The following METTL27 variants were observed in gnomAD, a reference collection of about 807,000 sequenced individuals.
METTL27 encodes methyltransferase like 27, also known as methyltransferase-like protein 27.
In METTL27, 29 loss-of-function variants were observed where a neutral mutation model predicts 24.5. The ratio of observed to expected loss-of-function variants is 1.18; its 90% CI spans 0.88 to 1.61. METTL27 has a LOEUF of 1.61. METTL27 is among the 40% of genes most tolerant of loss of function. The pLI, the probability that METTL27 is intolerant of heterozygous loss-of-function variation, is 0.00. For synonymous variants in METTL27, 138 were observed against 146.8 expected (o/e 0.94, Z 0.43); for missense variants, 341 against 324.3 (o/e 1.05, Z -0.40).
At chr7:73,842,469 G>A (rs1261508220) in intron 1 of METTL27, 21 bp downstream of exon 1, 4 of 310,870 alleles carry the variant, frequency 1.3e-5, no homozygotes, top group South Asian at 9.6e-5. Context: ...GGTCTCGAAG[G>A]AGGCCGGAGT....
At position 73,834,715 on chromosome 7, in the gene METTL27, G is replaced by C. The variant is rs781966040; in HGVS notation, c.*28C>G. 521 of 1,597,072 alleles carry C rather than the reference G, an allele frequency of 3.3e-4. No individual in the cohort carries two copies. Among genetic ancestry groups the C allele is most frequent in the Non-Finnish European group, 4.4e-4 (510 of 1,169,418 alleles). On this transcript the variant is annotated 3_prime_UTR_variant, in exon 6 of 6. Transcript: ENST00000297873. The stretch of plus-strand genomic sequence containing the variant: ...CCCAGCTAAGGCCACATGGAGTCAG[G>C]GGCCAGCTGGGGGCTGGGGGCTGGA...
chr7:73,839,937 A>G, intron 5 of METTL27, 94 bp downstream of exon 5: 2 of 1,195,334 alleles, frequency 1.7e-6, no homozygotes, highest in East Asian at 2.5e-5. Context: ...CCCCTCGCTT[A>G]GCCTGAGGGG....
At chr7:73,842,275 T>G in intron 1 of METTL27, 131 bp from the exon 2 acceptor site, 4 of 1,386,266 alleles carry the variant, frequency 2.9e-6, no homozygotes, top group East Asian at 2.5e-5. Flanking sequence ...CCGGCCCCTA[T>G]CCCAGATGGG....
chr7:73,838,408 A>G (rs1554635725), intron 5 of METTL27, among the ~76,000 whole-genome samples: 4 of 152,178 alleles, frequency 2.6e-5, no homozygotes, highest in African/African-American at 9.7e-5. Flanking sequence ...TGCCGGCTGA[A>G]TGGCCTTGTC....
rs192722486 is a variant in METTL27, at chr7:73,837,638, A to G, written c.478+2393T>C. On this transcript the variant is annotated intron_variant, in intron 5 of 5. Transcript: ENST00000297873. ...GAGTGCAATGGCATGCTCTTGGCTCACTTCAGCCTCCGCCTCCTGGGTTCA... is the reference window on the plus strand; with the variant it reads ...GAGTGCAATGGCATGCTCTTGGCTCGCTTCAGCCTCCGCCTCCTGGGTTCA... Among the ~76,000 whole-genome samples, 920 of 151,908 alleles carry G rather than the reference A, an allele frequency of 6.1e-3. 15 individuals are homozygous for G. Among genetic ancestry groups the G allele is most frequent in the African/African-American group, 0.021 (869 of 41,430 alleles).
intron 5 of METTL27, among the ~76,000 whole-genome samples, chr7:73,836,524 G>A (rs1554635299): frequency 6.8e-5 from 5 of 73,946 alleles, no homozygotes; most frequent in Admixed American, 1.2e-4. Flanking sequence ...CCATCCGGGA[G>A]GGAGGTGGGG....
At chr7:73,836,648 G>A (rs1410535073) in intron 5 of METTL27, among the ~76,000 whole-genome samples, 1 of 16,642 alleles carries the variant, frequency 6.0e-5, no homozygotes, top group South Asian at 1.9e-3. Flanking sequence ...GCCCCGTCCG[G>A]GAGGGAGGTG....
Position 73,841,345 on chromosome 7 carries a change from T to C in METTL27, c.124-147A>G, listed in dbSNP as rs1365345783. ...GCTAGCGTGAGGGGACGCCCAGGCA[T>C]GAGGTGCTTCCCATTGCTAAAGGGC... On this transcript the variant is annotated intron_variant, in intron 2 of 5. Coordinates refer to ENST00000297873, the MANE Select transcript of METTL27 (RefSeq NM_152559.3). 5.6e-6 allele frequency: 7 copies of C among 1,244,576 alleles called. No homozygotes were observed. In the East Asian group the frequency reaches 9.3e-5, roughly 17 times the overall value. 77.1% of individuals were successfully genotyped at this position (1,244,576 alleles called of 1,614,324 possible).
intron 5 of METTL27, among the ~76,000 whole-genome samples, chr7:73,835,440 C>T (rs1287673586): frequency 1.4e-5 from 2 of 144,004 alleles, no homozygotes; most frequent in Non-Finnish European, 1.5e-5. Flanking sequence ...GTCTCCAGCC[C>T]CTAACCGCAC....
At chr7:73,839,836 G>T in intron 5 of METTL27, 195 bp downstream of exon 5, 1 of 519,122 alleles carries the variant, frequency 1.9e-6, no homozygotes, top group Non-Finnish European at 3.3e-6. Flanking sequence ...GAGCCGAGCT[G>T]GCCACCTGTC....
At chr7:73,841,338 CCAGGCATGAGGTGCTTCCCATTG>C in intron 2 of METTL27, 140 bp from the exon 3 acceptor site, 2 of 1,298,130 alleles carry the variant, frequency 1.5e-6, no homozygotes, top group East Asian at 6.1e-5. Context: ...GAGGGGACGC[CCAGGCATGAGGTGCTTCCCATTG>C]CTAAAGGGCC....
chr7:73,840,569 C>T lies in METTL27; in HGVS notation c.253-20G>A, dbSNP rs1788325082. 5.1e-6 allele frequency: 8 copies of T among 1,566,008 alleles called. No individual in the cohort carries two copies. Among genetic ancestry groups the T allele is most frequent in the Non-Finnish European group, 6.9e-6 (8 of 1,157,962 alleles). ...CCGCAGCTGGGGTAGGGGTGGGAGA[C>T]TCAGTCATGGTTCACACCTGCCACT... On this transcript the variant is annotated intron_variant, in intron 3 of 5. Transcript: ENST00000297873.
rs1554636541 is a variant in METTL27, at chr7:73,842,021, G to C, written c.120C>G (p.Asp40Glu). The part of the protein sequence containing the change: ...HFYDRWAPDY[D>E]QDVATLLYRA... ...GCAAGGCCCCAAATGAGTTTACCTG[G>C]TCGTAGTCCGGAGCCCAGCGGTCAT... Residue 40 changes from aspartate (D) to glutamate (E), a missense_variant, in exon 2 of 6, where the codon GAC (aspartate) becomes GAG (glutamate). Coordinates refer to ENST00000297873, the MANE Select transcript of METTL27 (RefSeq NM_152559.3). 1.2e-6 allele frequency: 2 copies of C among 1,614,052 alleles called. No individual in the cohort carries two copies. Among genetic ancestry groups the C allele is most frequent in the African/African-American group, 2.7e-5 (2 of 74,934 alleles).
chr7:73,835,006 G>A lies in METTL27; in HGVS notation c.479-4C>T. On this transcript the variant is annotated splice_region_variant and splice_polypyrimidine_tract_variant and intron_variant, in intron 5 of 5. Coordinates refer to ENST00000297873, the MANE Select transcript of METTL27 (RefSeq NM_152559.3). Reference sequence around the variant, plus strand: ...GTGGTCAGACACACCAGCCCACCTGGGGGAGAGGGGTAGGTGAGGTGGGGG... The same window carrying A: ...GTGGTCAGACACACCAGCCCACCTGAGGGAGAGGGGTAGGTGAGGTGGGGG... The A allele has an allele frequency of 6.2e-7, 1 of 1,607,486 alleles. No individual in the cohort carries two copies.
At chr7:73,839,691 T>C (rs1351320078) in intron 5 of METTL27, 1 of 254,936 alleles carries the variant, frequency 3.9e-6, no homozygotes, top group African/African-American at 2.2e-5. Context: ...GCAAAAACCT[T>C]AGAGACAGGA....
rs1167323886 is a variant in METTL27 at position 73,840,685 on chromosome 7, GTCTC to G, written c.253-140_253-137del. On this transcript the variant is annotated intron_variant, in intron 3 of 5. Transcript: ENST00000297873. ...GCTTTTTTTAAATTTTTGAGACAAG[GTCTC>G]TCTCTGTCGCCCAAACTGGAGTGCA... 1.5e-5 allele frequency: 19 copies of G among 1,263,286 alleles called. No individual in the cohort carries two copies. The African/African-American group carries it at 2.4e-4, about 16-fold the overall frequency. 78.3% of individuals were successfully genotyped at this position (1,263,286 alleles called of 1,614,324 possible).
chr7:73,837,700 A>G (rs1211479610), intron 5 of METTL27, among the ~76,000 whole-genome samples: 5 of 151,974 alleles, frequency 3.3e-5, no homozygotes, highest in Admixed American at 3.3e-4. Flanking sequence ...TGCAGCTGGG[A>G]TTACAGGCAC....
chr7:73,839,828 GC>G, intron 5 of METTL27: 2 of 507,844 alleles, frequency 3.9e-6, no homozygotes, highest in Non-Finnish European at 6.9e-6. Context: ...ATGGATAAGA[GC>G]CGAGCTGGCC....
chr7:73,839,953 G>T, intron 5 of METTL27, 78 bp downstream of exon 5: 1 of 1,352,694 alleles, frequency 7.4e-7, no homozygotes. Flanking sequence ...AGGGGCTCTG[G>T]GGCCTGTGTC....
Sources: gnomAD v4.1 joint callset for allele counts (sites outside exome capture counted in the v4.1 genomes callset) on GRCh38, gnomAD v4.1.1 for gene constraint, MANE v1.5 for transcripts, NCBI Gene and HGNC (gene_info 2026-07-23, HGNC 2026-07-21) for gene names.